The following PPP4R3B variants were observed in gnomAD, a reference collection of about 807,000 sequenced individuals.
The protein encoded by PPP4R3B is serine/threonine-protein phosphatase 4 regulatory subunit 3B.
PPP4R3B carries 52 observed loss-of-function variants against 95.4 expected under a neutral mutation model. The ratio of observed to expected loss-of-function variants is 0.54; its 90% confidence interval spans 0.44 to 0.69. The LOEUF is 0.69. Ranked by LOEUF, PPP4R3B falls within the 30% of genes least tolerant of loss-of-function variation. The pLI, the probability that PPP4R3B is intolerant of heterozygous loss-of-function variation, is 0.00. For missense variants in PPP4R3B, 1,003 were observed against 1,005.9 expected (o/e 1.00, Z 0.04); for synonymous variants, 407 against 343.9 (o/e 1.18, Z -2.03).
chr2:55,587,924 A>C (rs1559007559), intron 5 of PPP4R3B, among the ~76,000 whole-genome samples: 1 of 152,222 alleles, frequency 6.6e-6, no homozygotes, highest in Non-Finnish European at 1.5e-5. Context: ...TGTGAAATCC[A>C]AAATAAATAA....
chr2:55,607,698 C>T (rs1322624981), intron 2 of PPP4R3B, among the ~76,000 whole-genome samples: 5 of 152,078 alleles, frequency 3.3e-5, no homozygotes, highest in Non-Finnish European at 7.4e-5. Context: ...AAATCACTGG[C>T]GACTGGTGAT....
chr2:55,604,022 G>A lies in PPP4R3B; in HGVS notation c.253C>T (p.Gln85Ter). Residue 85 changes from glutamine to a stop codon, truncating the protein, a stop_gained, in exon 3 of 17, where the codon CAG (glutamine) becomes TAG (stop). Transcript: ENST00000616407. LOFTEE classifies it high-confidence loss of function. ...ATCTCATCACAGCCAGCTTTCTCCTGAAAACTCAGAGCCAAATCATAGTTC... is the reference window on the plus strand; with the variant it reads ...ATCTCATCACAGCCAGCTTTCTCCTAAAAACTCAGAGCCAAATCATAGTTC... ...AENYDLALSFQEKAGCDEIWE... is the reference protein window; with the variant it reads ...AENYDLALSF 2 of 1,610,546 alleles carry A rather than the reference G, an allele frequency of 1.2e-6. No individual in the cohort carries two copies. Among genetic ancestry groups the A allele is most frequent in the Non-Finnish European group, 1.7e-6 (2 of 1,178,664 alleles).
rs1446688755 is a variant in PPP4R3B, at chr2:55,548,756, C to G, written c.*1155G>C. The G allele has an allele frequency of 1.3e-5, 2 of 152,530 alleles. No individual in the cohort carries two copies. The highest frequency in any genetic ancestry group is 2.9e-5 in the Non-Finnish European group (2 of 68,026). 9.4% of individuals were successfully genotyped at this position (152,530 alleles called of 1,614,324 possible). On this transcript the variant is annotated 3_prime_UTR_variant, in exon 17 of 17. Coordinates refer to ENST00000616407, the MANE Select transcript of PPP4R3B (RefSeq NM_001122964.3). ...TTCTCACTTCGGCATGATCTCAGATCATAGATGAGCAAACTAACATTAAAA... is the reference window on the plus strand; with the variant it reads ...TTCTCACTTCGGCATGATCTCAGATGATAGATGAGCAAACTAACATTAAAA...
At chr2:55,611,103 C>G (rs537875622) in intron 2 of PPP4R3B, among the ~76,000 whole-genome samples, 13 of 152,200 alleles carry the variant, frequency 8.5e-5, no homozygotes, top group African/African-American at 3.1e-4. Context: ...CTAAAGTGAT[C>G]CTCCTGCCTC....
At chr2:55,559,389 T>A (rs1049882485) in intron 15 of PPP4R3B, among the ~76,000 whole-genome samples, 2 of 152,068 alleles carry the variant, frequency 1.3e-5, no homozygotes, top group Non-Finnish European at 2.9e-5. Context: ...CCAAAATTAA[T>A]TGCCTTTGTT....
Position 55,573,801 on chromosome 2 carries a change from AAAAT to A in PPP4R3B, c.1607-28_1607-25del, listed in dbSNP as rs763319687. 8.3e-5 allele frequency: 118 copies of A among 1,426,304 alleles called. 3 individuals are homozygous for A. The South Asian group carries it at 1.5e-3, about 18-fold the overall frequency. 88.4% of individuals were successfully genotyped at this position (1,426,304 alleles called of 1,614,324 possible). A position where few individuals can be genotyped will look rare whatever the true frequency, so the allele number is the denominator to read the frequency against. ...ATCTACAAAAGAAAGTAATCTCATG[AAAAT>A]AAATATTGAATATATCTAAATAAAG... On this transcript the variant is annotated intron_variant, in intron 11 of 16. Coordinates refer to ENST00000616407, the MANE Select transcript of PPP4R3B (RefSeq NM_001122964.3).
At chr2:55,596,978 TA>T (rs1187821017) in intron 4 of PPP4R3B, among the ~76,000 whole-genome samples, 1 of 151,728 alleles carries the variant, frequency 6.6e-6, no homozygotes, top group Non-Finnish European at 1.5e-5. Context: ...ATAATAATAA[TA>T]AAAAATAGCT....
Position 55,577,316 on chromosome 2 carries a change from G to C in PPP4R3B, c.1605C>G (p.Pro535=). The change falls in exon 11 of 17, where the codon CCC becomes CCG. Residue 535 remains proline, a splice_region_variant and synonymous_variant. Coordinates refer to ENST00000616407, the MANE Select transcript of PPP4R3B (RefSeq NM_001122964.3). ...VGSNKNNTIC[P]DNYQTAQLLA... ...CATAAAGTATGAATTCATACTTACCGGGACAAATTGTGTTGTTTTTGTTTG... is the reference window on the plus strand; with the variant it reads ...CATAAAGTATGAATTCATACTTACCCGGACAAATTGTGTTGTTTTTGTTTG... The C allele has an allele frequency of 1.3e-6, 2 of 1,547,246 alleles. No homozygotes were observed. The highest frequency in any genetic ancestry group is 1.7e-6 in the Non-Finnish European group (2 of 1,153,150).
intron 2 of PPP4R3B, among the ~76,000 whole-genome samples, chr2:55,611,442 T>C (rs1694153579): frequency 1.3e-5 from 2 of 152,244 alleles, no homozygotes; most frequent in Non-Finnish European, 2.9e-5. Context: ...GATTCTCTTC[T>C]CTTTCCAACA....
rs140062312 is a variant in PPP4R3B, at chr2:55,579,017, T to C, written c.1468+662A>G. Among the ~76,000 whole-genome samples, 258 of 152,116 alleles carry C rather than the reference T, an allele frequency of 1.7e-3. 4 individuals are homozygous for C. The highest frequency in any genetic ancestry group is 0.015 in the South Asian group (72 of 4,828). On this transcript the variant is annotated intron_variant, in intron 9 of 16. Transcript: ENST00000616407. ...AATATAGAAGGACTCAATTTAAAAATTGCCTCCAAATTAGATACATGCAAC... is the reference window on the plus strand; with the variant it reads ...AATATAGAAGGACTCAATTTAAAAACTGCCTCCAAATTAGATACATGCAAC...
intron 2 of PPP4R3B, among the ~76,000 whole-genome samples, chr2:55,613,811 A>T (rs1694527423): frequency 1.3e-5 from 1 of 74,912 alleles, no homozygotes; most frequent in African/African-American, 1.3e-4. Flanking sequence ...AAATATGGTA[A>T]AAAAAAAAAA....
intron 16 of PPP4R3B, among the ~76,000 whole-genome samples, chr2:55,555,077 G>A (rs903157235): frequency 6.6e-6 from 1 of 151,960 alleles, no homozygotes; most frequent in Non-Finnish European, 1.5e-5. Flanking sequence ...TCAGGAGATC[G>A]AGAACATCCT....
At chr2:55,571,938 T>A (rs1232337334) in intron 12 of PPP4R3B, among the ~76,000 whole-genome samples, 1 of 152,230 alleles carries the variant, frequency 6.6e-6, no homozygotes, top group African/African-American at 2.4e-5. Context: ...TACTTTTACA[T>A]TTGGTGAAAT....
intron 16 of PPP4R3B, 64 bp downstream of exon 16, chr2:55,558,711 G>T (rs1381046665): frequency 1.6e-6 from 2 of 1,279,786 alleles, no homozygotes; most frequent in Non-Finnish European, 2.1e-6. Flanking sequence ...ATTTTTTTCA[G>T]TAAACATGAA....
chr2:55,553,919 A>C (rs1685537257), intron 16 of PPP4R3B, among the ~76,000 whole-genome samples: 1 of 152,182 alleles, frequency 6.6e-6, no homozygotes, highest in Admixed American at 6.5e-5. Flanking sequence ...ACATTCATAT[A>C]CAAGTTTTAC....
intron 12 of PPP4R3B, among the ~76,000 whole-genome samples, chr2:55,569,604 C>T (rs1372779187): frequency 6.6e-6 from 1 of 152,154 alleles, no homozygotes; most frequent in Non-Finnish European, 1.5e-5. Context: ...CCTCGGCTGC[C>T]AGGCAGGGAG....
rs1484241035 is a variant in PPP4R3B at position 55,598,625 on chromosome 2, G to A, written c.712C>T (p.His238Tyr). The A allele has an allele frequency of 6.2e-7, 1 of 1,614,148 alleles. No individual in the cohort carries two copies. ...GCAGTTTTGGTCAAGAATTCTCTATGTCTTTTTGGCTGAGCCAAAGCAGGG... is the reference window on the plus strand; with the variant it reads ...GCAGTTTTGGTCAAGAATTCTCTATATCTTTTTGGCTGAGCCAAAGCAGGG... ...YDPALAQPKR[H>Y]REFLTKTAKF... The change falls in exon 4 of 17, where the codon CAT (histidine) becomes TAT (tyrosine). Residue 238 changes from histidine (H) to tyrosine (Y), a missense_variant. Coordinates refer to ENST00000616407, the MANE Select transcript of PPP4R3B (RefSeq NM_001122964.3).
chr2:55,571,983 A>G (rs1688065009), intron 12 of PPP4R3B, among the ~76,000 whole-genome samples: 1 of 152,252 alleles, frequency 6.6e-6, no homozygotes, highest in African/African-American at 2.4e-5. Context: ...AAAAGTATAT[A>G]TATGTTAACT....
intron 2 of PPP4R3B, among the ~76,000 whole-genome samples, chr2:55,604,558 C>G (rs980775077): frequency 2.0e-5 from 3 of 151,502 alleles, no homozygotes; most frequent in Admixed American, 2.0e-4. Flanking sequence ...ACTTCAGGAT[C>G]TTAAGAAATG....
Sources: gnomAD v4.1 joint callset for allele counts (sites outside exome capture counted in the v4.1 genomes callset) on GRCh38, gnomAD v4.1.1 for gene constraint, MANE v1.5 for transcripts, NCBI Gene and HGNC (gene_info 2026-07-23, HGNC 2026-07-21) for gene names.